RAB11FIP4: variants seen among roughly 807,000 people sequenced by gnomAD.
The protein encoded by RAB11FIP4 is rab11 family-interacting protein 4.
In RAB11FIP4, 23 loss-of-function variants were observed where a neutral mutation model predicts 74.3. That is an observed-to-expected ratio of 0.31 (90% CI 0.22 to 0.44). RAB11FIP4 has a LOEUF of 0.44. Ranked by LOEUF, RAB11FIP4 falls within the 20% of genes least tolerant of loss-of-function variation. RAB11FIP4 has a pLI of 1.00. For missense variants in RAB11FIP4, 630 were observed against 863.9 expected, an observed-to-expected ratio of 0.73 and a Z score of 3.39; for synonymous variants, 360 against 359.9, an observed-to-expected ratio of 1.00 and a Z score of 0.00.
chr17:31,462,809 G>GT (rs1318048980), intron 3 of RAB11FIP4, among the ~76,000 whole-genome samples: 3 of 152,040 alleles, frequency 2.0e-5, no homozygotes. Flanking sequence ...GCTAATTTTT[G>GT]TATTTTAGTG....
At chr17:31,522,098 G>C in intron 6 of RAB11FIP4, 49 bp downstream of exon 6, 2 of 1,605,542 alleles carry the variant, frequency 1.2e-6, no homozygotes, top group Non-Finnish European at 1.7e-6. Context: ...GGCCAGGGCA[G>C]GGCCTGGAGG....
chr17:31,450,316 C>G (rs934784895), intron 3 of RAB11FIP4, among the ~76,000 whole-genome samples: 1 of 127,872 alleles, frequency 7.8e-6, no homozygotes, highest in African/African-American at 3.0e-5. Flanking sequence ...CCCCCCGCCA[C>G]CGGCTTTATT....
rs2072592517 is a variant in RAB11FIP4 at position 31,517,971 on chromosome 17, C to T, written c.563+94C>T. ...CTCCAGGAAGTAAATTTGAAACATGCTCAAAATTTGTATCAGAGGCATTAG... is the reference window on the plus strand; with the variant it reads ...CTCCAGGAAGTAAATTTGAAACATGTTCAAAATTTGTATCAGAGGCATTAG... On this transcript the variant is annotated intron_variant, in intron 4 of 14. Coordinates refer to ENST00000621161, the MANE Select transcript of RAB11FIP4 (RefSeq NM_032932.6). 2.0e-6 allele frequency: 2 copies of T among 1,007,930 alleles called. 1 individual carries two copies. The highest frequency in any genetic ancestry group is 3.0e-5 in the South Asian group (2 of 66,032). The allele number at this position is 1,007,930 out of a possible 1,614,324, so 62.4% of individuals were successfully genotyped here.
intron 3 of RAB11FIP4, among the ~76,000 whole-genome samples, chr17:31,445,568 ATATATATATATTTTTTTTTTTTTTT>A (rs2071451819): frequency 7.9e-5 from 1 of 12,664 alleles, no homozygotes; most frequent in African/African-American, 3.4e-4. Context: ...ATATATATAT[ATATATATATATTTTTTTTTTTTTTT>A]TTTTTTTTTT....
At chr17:31,463,925 G>A (rs1484286770) in intron 3 of RAB11FIP4, among the ~76,000 whole-genome samples, 3 of 140,102 alleles carry the variant, frequency 2.1e-5, no homozygotes, top group African/African-American at 7.9e-5. Context: ...CTATTCTCAT[G>A]CCTCTGCCTA....
At chr17:31,529,073 G>C (rs1342435153) in intron 13 of RAB11FIP4, among the ~76,000 whole-genome samples, 3 of 150,904 alleles carry the variant, frequency 2.0e-5, no homozygotes, top group African/African-American at 7.3e-5. Flanking sequence ...TCTCCCAGAA[G>C]TAGACCCTCA....
In RAB11FIP4 at chr17:31,528,314, G is replaced by C. The variant is rs539168639; in HGVS notation, c.1357-92G>C. 1.0e-5 allele frequency: 15 copies of C among 1,444,162 alleles called. No homozygotes were observed. In the Admixed American group the frequency reaches 1.7e-4, roughly 17 times the overall value. 89.5% of individuals were successfully genotyped at this position (1,444,162 alleles called of 1,614,324 possible). A position where few individuals can be genotyped will look rare whatever the true frequency, so the allele number is the denominator to read the frequency against. On this transcript the variant is annotated intron_variant, in intron 11 of 14. Coordinates refer to ENST00000621161, the MANE Select transcript of RAB11FIP4 (RefSeq NM_032932.6). ...TGGTTTCACTGTGCATCTGCCTCGT[G>C]AAGATGGCTGACCAGACCCCAGGGA...
At chr17:31,485,836 G>A (rs1460157184) in intron 3 of RAB11FIP4, among the ~76,000 whole-genome samples, 3 of 152,180 alleles carry the variant, frequency 2.0e-5, no homozygotes, top group Non-Finnish European at 4.4e-5. Context: ...AACAGAACTT[G>A]TCCCAAGACA....
Position 31,496,462 on chromosome 17 carries a change from G to A in RAB11FIP4, c.337-21189G>A, listed in dbSNP as rs567743137. Among the ~76,000 whole-genome samples, 10 of 152,360 alleles carry A rather than the reference G, an allele frequency of 6.6e-5. No individual in the cohort carries two copies. The South Asian group carries it at 2.1e-3, about 32-fold the overall frequency. ...GGGAGTGGGTCACTGGCCTTCCCAA[G>A]GGAGCAGAGGGAAACTGGTGTTCCA... On this transcript the variant is annotated intron_variant, in intron 3 of 14. Coordinates refer to ENST00000621161, the MANE Select transcript of RAB11FIP4 (RefSeq NM_032932.6).
rs2050500861 is a variant in RAB11FIP4, at chr17:31,447,688, A to G, written c.336+13566A>G. On this transcript the variant is annotated intron_variant, in intron 3 of 14. Coordinates refer to ENST00000621161, the MANE Select transcript of RAB11FIP4 (RefSeq NM_032932.6). ...CACACGCGCACCCCCATGCCCAGCAAATTTTTGTATTTTTAATAGAGACGG... is the reference window on the plus strand; with the variant it reads ...CACACGCGCACCCCCATGCCCAGCAGATTTTTGTATTTTTAATAGAGACGG... Among the ~76,000 whole-genome samples, 3 of 151,240 alleles carry G rather than the reference A, an allele frequency of 2.0e-5. No individual in the cohort carries two copies. In the South Asian group the frequency reaches 6.3e-4, roughly 32 times the overall value.
At chr17:31,476,160 G>A (rs2071789896) in intron 3 of RAB11FIP4, among the ~76,000 whole-genome samples, 1 of 136,052 alleles carries the variant, frequency 7.4e-6, no homozygotes, top group Admixed American at 7.6e-5. Flanking sequence ...CAAATAATGA[G>A]AATCGACTGA....
At chr17:31,466,778 C>T (rs2071689949) in intron 3 of RAB11FIP4, among the ~76,000 whole-genome samples, 1 of 152,186 alleles carries the variant, frequency 6.6e-6, no homozygotes, top group Admixed American at 6.5e-5. Flanking sequence ...CTATGGAAAC[C>T]AGGTGGCCAT....
At chr17:31,420,531 C>T (rs1439103190) in intron 1 of RAB11FIP4, among the ~76,000 whole-genome samples, 5 of 151,934 alleles carry the variant, frequency 3.3e-5, no homozygotes, top group African/African-American at 1.2e-4. Context: ...CTGTGCTCAG[C>T]CTCATTTTTT....
At chr17:31,488,159 G>A in intron 3 of RAB11FIP4, 1 of 1,062,938 alleles carries the variant, frequency 9.4e-7, no homozygotes. Flanking sequence ...TTGTTCCTGC[G>A]CTTCGGGGCT....
At chr17:31,475,415 G>A (rs980695436) in intron 3 of RAB11FIP4, among the ~76,000 whole-genome samples, 1 of 152,198 alleles carries the variant, frequency 6.6e-6, no homozygotes, top group Non-Finnish European at 1.5e-5. Flanking sequence ...GACGTGGTAG[G>A]TTCAGCAAAT....
intron 3 of RAB11FIP4, among the ~76,000 whole-genome samples, chr17:31,503,689 C>G (rs748650926): frequency 9.3e-5 from 14 of 149,904 alleles, no homozygotes; most frequent in Non-Finnish European, 1.3e-4. Context: ...GCCGCTTGAT[C>G]TGATCATTTG....
chr17:31,466,092 C>T (rs1416422404), intron 3 of RAB11FIP4, among the ~76,000 whole-genome samples: 4 of 151,906 alleles, frequency 2.6e-5, no homozygotes, highest in South Asian at 2.1e-4. Flanking sequence ...TGCAGTGAGC[C>T]GAGATCACGC....
At chr17:31,522,335 A>C in intron 6 of RAB11FIP4, 25 bp from the exon 7 acceptor site, 1 of 1,613,026 alleles carries the variant, frequency 6.2e-7, no homozygotes, top group African/African-American at 1.3e-5. Flanking sequence ...CCTCTGTTCA[A>C]TGACTGTTTC....
chr17:31,422,134 C>T (rs551799393), intron 1 of RAB11FIP4, among the ~76,000 whole-genome samples: 6 of 152,182 alleles, frequency 3.9e-5, no homozygotes, highest in South Asian at 4.1e-4. Flanking sequence ...ATGATCACAC[C>T]GCTGCACTCC....
Sources: gnomAD v4.1 joint callset for allele counts (sites outside exome capture counted in the v4.1 genomes callset) on GRCh38, gnomAD v4.1.1 for gene constraint, MANE v1.5 for transcripts, NCBI Gene and HGNC (gene_info 2026-07-23, HGNC 2026-07-21) for gene names.